The following RFX2 variants were observed in gnomAD, a reference collection of about 807,000 sequenced individuals.
The protein encoded by RFX2 is DNA-binding protein RFX2.
RFX2 carries 20 observed loss-of-function variants against 87.8 expected under a neutral mutation model. The ratio of observed to expected loss-of-function variants is 0.23; its 90% CI spans 0.16 to 0.33. The LOEUF (loss-of-function observed/expected upper bound fraction) is 0.33. RFX2 is among the 10% of genes least tolerant of loss of function. The pLI is 1.00. For synonymous variants in RFX2, 397 were observed against 431.3 expected (o/e 0.92, Z 0.98); for missense variants, 767 against 1,012.3 (o/e 0.76, Z 3.29).
At chr19:5,996,522 G>C (rs1248181745) in intron 16 of RFX2, among the ~76,000 whole-genome samples, 1 of 152,232 alleles carries the variant, frequency 6.6e-6, no homozygotes, top group African/African-American at 2.4e-5. Context: ...GAGGCAGGAG[G>C]GGGCTGCGTG....
rs2086446041 is a variant in RFX2, at chr19:5,998,372, A to C, written c.1860-1159T>G. ...TATAAGACCTAAAGGACTTATATACAGTGGCACCTGATTAAAAACTTTGGC... is the reference window on the plus strand; with the variant it reads ...TATAAGACCTAAAGGACTTATATACCGTGGCACCTGATTAAAAACTTTGGC... On this transcript the variant is annotated intron_variant, in intron 15 of 17. Coordinates refer to ENST00000303657, the MANE Select transcript of RFX2 (RefSeq NM_000635.4). This position sits in a 1 kb window ranked among gnomAD's most constrained non-coding sequence, Gnocchi z 4.2. Among the ~76,000 whole-genome samples, 1 of 152,190 alleles carries C rather than the reference A, an allele frequency of 6.6e-6. No homozygotes were observed. Among genetic ancestry groups the C allele is most frequent in the South Asian group, 2.1e-4 (1 of 4,832 alleles).
At chr19:6,079,654 G>C (rs1040653857) in intron 1 of RFX2, among the ~76,000 whole-genome samples, 2 of 152,154 alleles carry the variant, frequency 1.3e-5, no homozygotes, top group Admixed American at 6.5e-5. Context: ...TTGGAAGGCT[G>C]AGGTGGGTGG....
intron 17 of RFX2, 30 bp from the exon 18 acceptor site, chr19:5,994,980 A>C: frequency 6.5e-7 from 1 of 1,541,796 alleles, no homozygotes. Flanking sequence ...GTCAGTGTCC[A>C]TCATCAGGAG....
intron 5 of RFX2, among the ~76,000 whole-genome samples, chr19:6,035,333 A>G (rs2087007625): frequency 6.6e-6 from 1 of 152,148 alleles, no homozygotes; most frequent in Non-Finnish European, 1.5e-5. Context: ...CAAACAGTAA[A>G]AAAGGAGGTT....
intron 1 of RFX2, among the ~76,000 whole-genome samples, chr19:6,098,170 A>G (rs939737466): frequency 1.3e-5 from 2 of 152,200 alleles, no homozygotes; most frequent in African/African-American, 4.8e-5. Context: ...AACTAAATGT[A>G]TAATTTATTC....
chr19:6,018,708 C>T (rs957114973), intron 6 of RFX2, among the ~76,000 whole-genome samples: 9 of 152,356 alleles, frequency 5.9e-5, no homozygotes, highest in Admixed American at 3.3e-4. Context: ...GCACTGCCCA[C>T]GTGGGTGTTG....
In RFX2 at chr19:6,007,040, G is replaced by A; in HGVS notation, c.1374C>T (p.Leu458=). 1 of 1,614,188 alleles carries A rather than the reference G, an allele frequency of 6.2e-7. No homozygotes were observed. Among genetic ancestry groups the A allele is most frequent in the East Asian group, 2.2e-5 (1 of 44,878 alleles). The part of the protein sequence containing the change: ...HILYQALVEI[L]IPDVLRPVPS... ...GGACCGGCCTCAGCACGTCGGGGAT[G>A]AGAATCTCCACCAGCGCCTGGTAGA... Residue 458 remains leucine, a synonymous_variant, in exon 12 of 18, where the codon CTC becomes CTT. Transcript: ENST00000303657. This position sits in a 1 kb window ranked among gnomAD's most constrained non-coding sequence, Gnocchi z 8.2.
chr19:6,044,168 A>C lies in RFX2; in HGVS notation c.180+25T>G. ...GAGTGCTAACTGCGCCCCGGTTTGC[A>C]CGGTGCTGCGGTGCTTGTCATTACC... On this transcript the variant is annotated intron_variant, in intron 3 of 17. Transcript: ENST00000303657. This position sits in a 1 kb window ranked among gnomAD's most constrained non-coding sequence, Gnocchi z 5.3. 7.2e-7 allele frequency: 1 copy of C among 1,397,834 alleles called. No individual in the cohort carries two copies. The highest frequency in any genetic ancestry group is 9.4e-7 in the Non-Finnish European group (1 of 1,059,428). The allele number at this position is 1,397,834 out of a possible 1,614,324, so 86.6% of individuals were successfully genotyped here.
intron 1 of RFX2, among the ~76,000 whole-genome samples, chr19:6,097,063 T>C (rs1261870197): frequency 1.3e-5 from 2 of 152,156 alleles, no homozygotes; most frequent in African/African-American, 2.4e-5. Flanking sequence ...AAGACCAGTT[T>C]GGGTGGTGGG....
chr19:6,046,224 C>T (rs1340835528), intron 2 of RFX2, among the ~76,000 whole-genome samples: 1 of 152,104 alleles, frequency 6.6e-6, no homozygotes, highest in Non-Finnish European at 1.5e-5. Context: ...TCTCTCTCTG[C>T]GAATTTTAAA....
Position 6,026,052 on chromosome 19 carries a change from T to G in RFX2, c.597+111A>C, listed in dbSNP as rs1006764385. ...CACCCGCCTTGGCCTCCCAAAGTGC[T>G]GGGATTACAGGTGTGAGCCACCGCA... On this transcript the variant is annotated intron_variant, in intron 6 of 17. Coordinates refer to ENST00000303657, the MANE Select transcript of RFX2 (RefSeq NM_000635.4). The surrounding 1 kb of genome is among the most constrained non-coding windows in gnomAD (Gnocchi z 4.5). 16 of 878,910 alleles carry G rather than the reference T, an allele frequency of 1.8e-5. No homozygotes were observed. In the African/African-American group the frequency reaches 2.4e-4, roughly 13 times the overall value. 54.4% of individuals were successfully genotyped at this position (878,910 alleles called of 1,614,324 possible).
Position 6,002,990 on chromosome 19 carries a change from C to T in RFX2, c.1501-120G>A. Reference sequence around the variant, plus strand: ...GGAGGAGGGAGCAGGAAACAGCAACCTGGGCAGGGAAGAGGGAACCTCCTG... The same window carrying T: ...GGAGGAGGGAGCAGGAAACAGCAACTTGGGCAGGGAAGAGGGAACCTCCTG... On this transcript the variant is annotated intron_variant, in intron 13 of 17. Transcript: ENST00000303657. The surrounding 1 kb of genome is among the most constrained non-coding windows in gnomAD (Gnocchi z 6.7). The T allele has an allele frequency of 8.6e-7, 1 of 1,160,028 alleles. No homozygotes were observed. The highest frequency in any genetic ancestry group is 1.2e-6 in the Non-Finnish European group (1 of 832,026). The allele number at this position is 1,160,028 out of a possible 1,614,324, so 71.9% of individuals were successfully genotyped here.
intron 1 of RFX2, among the ~76,000 whole-genome samples, chr19:6,084,370 A>G (rs1195132861): frequency 6.6e-6 from 1 of 152,188 alleles, no homozygotes; most frequent in African/African-American, 2.4e-5. Flanking sequence ...AAATGTGCAT[A>G]ATGTACAATT....
chr19:6,007,949 T>G lies in RFX2; in HGVS notation c.1135-147A>C. The stretch of plus-strand genomic sequence containing the variant: ...CCACAGAGAGGAGAGGAGCAGGCGA[T>G]GGACATGGATGCGGAGGGGCTGCTG... On this transcript the variant is annotated intron_variant, in intron 10 of 17. Coordinates refer to ENST00000303657, the MANE Select transcript of RFX2 (RefSeq NM_000635.4). This position sits in a 1 kb window ranked among gnomAD's most constrained non-coding sequence, Gnocchi z 8.2. 1.3e-6 allele frequency: 1 copy of G among 780,288 alleles called. No individual in the cohort carries two copies. Among genetic ancestry groups the G allele is most frequent in the Non-Finnish European group, 2.2e-6 (1 of 453,762 alleles). 48.3% of individuals were successfully genotyped at this position (780,288 alleles called of 1,614,324 possible).
chr19:5,994,869 C>A lies in RFX2; in HGVS notation c.2138G>T (p.Arg713Leu). ...CTGCAGGGAGTGGTTGGGGTCACTGCGCTCCCGCTTTACCAGGGGCTCACC... is the reference window on the plus strand; with the variant it reads ...CTGCAGGGAGTGGTTGGGGTCACTGAGCTCCCGCTTTACCAGGGGCTCACC... Reference protein sequence around the residue: ...SLGEPLVKRERSDPNHSLQGI With the variant: ...SLGEPLVKRELSDPNHSLQGI Residue 713 changes from arginine to leucine, a missense_variant, in exon 18 of 18, where the codon CGC becomes CTC. Transcript: ENST00000303657. The A allele has an allele frequency of 6.2e-7, 1 of 1,610,408 alleles. No individual in the cohort carries two copies. The highest frequency in any genetic ancestry group is 8.5e-7 in the Non-Finnish European group (1 of 1,179,798).
chr19:5,994,955 G>A lies in RFX2; in HGVS notation c.2057-5C>T, dbSNP rs139648900. ...GCTGCTCATCGCCCATGTCATCTGC[G>A]GAGGGAGGGGTAGGGTCAGTGTCCA... On this transcript the variant is annotated splice_region_variant and splice_polypyrimidine_tract_variant and intron_variant, in intron 17 of 17. Coordinates refer to ENST00000303657, the MANE Select transcript of RFX2 (RefSeq NM_000635.4). 1.3e-4 allele frequency: 202 copies of A among 1,600,830 alleles called. No homozygotes were observed. The highest frequency in any genetic ancestry group is 1.1e-3 in the African/African-American group (83 of 74,940).
rs2087440591 is a variant in RFX2 at position 6,061,989 on chromosome 19, A to G, written c.-8-14485T>C. 6.6e-6 allele frequency among the ~76,000 whole-genome samples: 1 copy of G among 151,964 alleles called. No homozygotes were observed. Among genetic ancestry groups the G allele is most frequent in the South Asian group, 2.1e-4 (1 of 4,798 alleles). On this transcript the variant is annotated intron_variant, in intron 1 of 17. Coordinates refer to ENST00000303657, the MANE Select transcript of RFX2 (RefSeq NM_000635.4). The surrounding 1 kb of genome is among the most constrained non-coding windows in gnomAD (Gnocchi z 5.2). ...AGGCCCCATCTCTACAAACAAACAA[A>G]CAAACAACAACAACAACAAACTGGG...
rs1481986740 is a variant in RFX2, at chr19:6,022,430, G to A, written c.597+3733C>T. On this transcript the variant is annotated intron_variant, in intron 6 of 17. Transcript: ENST00000303657. This position sits in a 1 kb window ranked among gnomAD's most constrained non-coding sequence, Gnocchi z 6.2. The stretch of plus-strand genomic sequence containing the variant: ...TTCCACACGCAGCTCTCTCCCGCAG[G>A]GTGTGCAAGTGATGTGTTTACTTTA... 6.6e-6 allele frequency among the ~76,000 whole-genome samples: 1 copy of A among 152,204 alleles called. No homozygotes were observed. The highest frequency in any genetic ancestry group is 1.5e-5 in the Non-Finnish European group (1 of 68,034).
In RFX2 at chr19:6,040,659, T is replaced by G. The variant is rs1470407792; in HGVS notation, c.261-418A>C. ...CGGTAGTCCCAGCTACTCAGGAGGC[T>G]GAGGTGGGAGGACTGCTTGAGCCCA... On this transcript the variant is annotated intron_variant, in intron 4 of 17. Coordinates refer to ENST00000303657, the MANE Select transcript of RFX2 (RefSeq NM_000635.4). This position sits in a 1 kb window ranked among gnomAD's most constrained non-coding sequence, Gnocchi z 6.1. 6.6e-6 allele frequency among the ~76,000 whole-genome samples: 1 copy of G among 152,172 alleles called. No individual in the cohort carries two copies. Among genetic ancestry groups the G allele is most frequent in the Non-Finnish European group, 1.5e-5 (1 of 68,026 alleles).
Sources: allele counts gnomAD v4.1 joint callset (sites outside exome capture counted in the v4.1 genomes callset), GRCh38; gene constraint gnomAD v4.1.1; non-coding constraint Gnocchi (gnomAD v3.1); transcripts MANE v1.5; gene names NCBI Gene and HGNC (gene_info 2026-07-23, HGNC 2026-07-21).